Variants in OR1M1 observed in about 807,000 individuals in gnomAD.
The protein encoded by OR1M1 is olfactory receptor 1M1.
For synonymous variants in OR1M1, 157 were observed against 165.5 expected (o/e 0.95, Z 0.39); for missense variants, 397 against 401.8 (o/e 0.99, Z 0.10).
intron 1 of OR1M1, among the ~76,000 whole-genome samples, chr19:9,087,806 C>A (rs2050272393): frequency 6.6e-6 from 1 of 152,148 alleles, no homozygotes; most frequent in African/African-American, 2.4e-5. Flanking sequence ...GCTCTTCTTA[C>A]CAAACTAGCT....
chr19:9,090,547 G>A (rs969244257), intron 1 of OR1M1, among the ~76,000 whole-genome samples: 1 of 152,080 alleles, frequency 6.6e-6, no homozygotes, highest in Non-Finnish European at 1.5e-5. Context: ...TGCAACCTCT[G>A]CCTCAGCCTC....
At position 9,093,384 on chromosome 19, in the gene OR1M1, T is replaced by C; in HGVS notation, c.140T>C (p.Leu47Pro). 1.2e-6 allele frequency: 2 copies of C among 1,614,014 alleles called. No individual in the cohort carries two copies. Among genetic ancestry groups the C allele is most frequent in the Non-Finnish European group, 1.7e-6 (2 of 1,180,014 alleles). ...GTCGTGGGGAACCTGCTCATCATCC[T>C]GGCCATCAGCATAGACTCCCACCTC... ...VMVVGNLLII[L>P]AISIDSHLHT... The change falls in exon 2 of 2, where the codon CTG becomes CCG. Residue 47 changes from leucine (L) to proline (P), a missense_variant. Leu to Pro is a moderately conservative substitution (Grantham distance 98). Transcript: ENST00000641627.
intron 1 of OR1M1, among the ~76,000 whole-genome samples, chr19:9,088,984 G>T (rs772604292): frequency 6.6e-6 from 1 of 151,996 alleles, no homozygotes; most frequent in Non-Finnish European, 1.5e-5. Flanking sequence ...AATGTATAGT[G>T]ATCAGATCTG....
intron 1 of OR1M1, among the ~76,000 whole-genome samples, chr19:9,090,650 A>T (rs1051369059): frequency 2.6e-5 from 4 of 151,618 alleles, no homozygotes; most frequent in Non-Finnish European, 5.9e-5. Flanking sequence ...GTCAGGCTAG[A>T]CTTGAACTCC....
intron 1 of OR1M1, among the ~76,000 whole-genome samples, chr19:9,090,604 T>G (rs1380269640): frequency 6.6e-6 from 1 of 151,966 alleles, no homozygotes; most frequent in Non-Finnish European, 1.5e-5. Context: ...CCGGCTAATT[T>G]TGTATTTTTA....
rs189829080 is a variant in OR1M1 at position 9,089,124 on chromosome 19, A to G, written c.-14+1967A>G. ...CTGTATTCATCCTACAGGGATATAG[A>G]ACACTAGAACTTATTCTTCCAATTT... On this transcript the variant is annotated intron_variant, in intron 1 of 1. Transcript: ENST00000641627. 2.0e-5 allele frequency among the ~76,000 whole-genome samples: 3 copies of G among 152,280 alleles called. No homozygotes were observed. The East Asian group carries it at 5.8e-4, about 29-fold the overall frequency.
chr19:9,089,162 G>C (rs1346431190), intron 1 of OR1M1, among the ~76,000 whole-genome samples: 1 of 152,110 alleles, frequency 6.6e-6, no homozygotes, highest in Non-Finnish European at 1.5e-5. Context: ...CTGTAGTTCT[G>C]TATGCTGTAA....
chr19:9,092,639 C>T (rs759320040), intron 1 of OR1M1, among the ~76,000 whole-genome samples: 6 of 151,890 alleles, frequency 4.0e-5, no homozygotes, highest in East Asian at 3.9e-4. Flanking sequence ...TGGTGGCTCA[C>T]GCCTGTAATC....
intron 1 of OR1M1, among the ~76,000 whole-genome samples, chr19:9,089,873 C>T (rs2050283858): frequency 6.6e-6 from 1 of 152,068 alleles, no homozygotes; most frequent in African/African-American, 2.4e-5. Context: ...AGTTCATCTC[C>T]CTCACTAAAC....
Position 9,093,939 on chromosome 19 carries a change from G to A in OR1M1, c.695G>A (p.Gly232Asp), listed in dbSNP as rs753882363. 3.7e-6 allele frequency: 6 copies of A among 1,614,102 alleles called. No homozygotes were observed. In the Admixed American group the frequency reaches 8.3e-5, roughly 22 times the overall value. The part of the protein sequence containing the change: ...LVAIMKVPSA[G>D]GRKKAFSTCS... ...GCCATCATGAAGGTCCCCTCTGCAG[G>A]CGGCAGGAAGAAAGCCTTCTCCACC... Residue 232 changes from glycine (G) to aspartate (D), a missense_variant, in exon 2 of 2, where the codon GGC becomes GAC. Coordinates refer to ENST00000641627, the MANE Select transcript of OR1M1 (RefSeq NM_001004456.2).
Position 9,093,219 on chromosome 19 carries a change from T to C in OR1M1, c.-13-13T>C. 1 of 1,522,154 alleles carries C rather than the reference T, an allele frequency of 6.6e-7. No homozygotes were observed. Among genetic ancestry groups the C allele is most frequent in the Non-Finnish European group, 9.0e-7 (1 of 1,116,002 alleles). 94.3% of individuals were successfully genotyped at this position (1,522,154 alleles called of 1,614,324 possible). ...CCTGTCATTCCTATAACCTCCCCTTTCCATACTTCCAGAGGAATCACACCC... is the reference window on the plus strand; with the variant it reads ...CCTGTCATTCCTATAACCTCCCCTTCCCATACTTCCAGAGGAATCACACCC... On this transcript the variant is annotated splice_polypyrimidine_tract_variant and intron_variant, in intron 1 of 1. Coordinates refer to ENST00000641627, the MANE Select transcript of OR1M1 (RefSeq NM_001004456.2).
At position 9,093,882 on chromosome 19, in the gene OR1M1, G is replaced by A; in HGVS notation, c.638G>A (p.Cys213Tyr). 3.1e-6 allele frequency: 5 copies of A among 1,614,048 alleles called. No homozygotes were observed. Among genetic ancestry groups the A allele is most frequent in the Non-Finnish European group, 4.2e-6 (5 of 1,180,030 alleles). ...AGMVIATPFV[C>Y]ILASYARILV... ...ATGGTGATAGCCACGCCCTTTGTCT[G>A]CATCCTGGCCTCCTATGCTCGCATC... The change falls in exon 2 of 2, where the codon TGC becomes TAC. Residue 213 changes from cysteine (C) to tyrosine (Y), a missense_variant. Transcript: ENST00000641627.
At chr19:9,089,334 T>C (rs1196030296) in intron 1 of OR1M1, among the ~76,000 whole-genome samples, 3 of 152,190 alleles carry the variant, frequency 2.0e-5, no homozygotes, top group Non-Finnish European at 4.4e-5. Flanking sequence ...ATTTATAATA[T>C]GCTCCAATTC....
At chr19:9,090,434 G>A (rs2145903354) in intron 1 of OR1M1, among the ~76,000 whole-genome samples, 1 of 152,334 alleles carries the variant, frequency 6.6e-6, no homozygotes, top group South Asian at 2.1e-4. Flanking sequence ...GAACTGTAAT[G>A]CAGGAAGATT....
At chr19:9,087,523 C>T (rs2050270963) in intron 1 of OR1M1, among the ~76,000 whole-genome samples, 1 of 152,110 alleles carries the variant, frequency 6.6e-6, no homozygotes, top group Admixed American at 6.6e-5. Flanking sequence ...ACGATCTTGG[C>T]TCACTGCAAC....
chr19:9,092,883 A>G (rs2050300842), intron 1 of OR1M1, among the ~76,000 whole-genome samples: 1 of 151,352 alleles, frequency 6.6e-6, no homozygotes, highest in African/African-American at 2.4e-5. Flanking sequence ...CCTGGGTGAC[A>G]AAGCAAGACT....
rs868104586 is a variant in OR1M1, at chr19:9,093,304, G to A, written c.60G>A (p.Lys20=). The part of the protein sequence containing the change: ...SQFILLGLSE[K]PEQETLLFSL... ...TCATCCTCCTGGGACTCTCAGAAAAGCCAGAGCAGGAGACGCTTCTCTTTT... is the reference window on the plus strand; with the variant it reads ...TCATCCTCCTGGGACTCTCAGAAAAACCAGAGCAGGAGACGCTTCTCTTTT... The change falls in exon 2 of 2, where the codon AAG becomes AAA. Residue 20 remains lysine (K), a synonymous_variant. Coordinates refer to ENST00000641627, the MANE Select transcript of OR1M1 (RefSeq NM_001004456.2). 14 of 1,613,650 alleles carry A rather than the reference G, an allele frequency of 8.7e-6. No individual in the cohort carries two copies. The highest frequency in any genetic ancestry group is 1.2e-5 in the Non-Finnish European group (14 of 1,179,964).
intron 1 of OR1M1, among the ~76,000 whole-genome samples, chr19:9,089,773 G>A (rs370743160): frequency 1.3e-4 from 20 of 152,022 alleles, no homozygotes; most frequent in Admixed American, 2.6e-4. Context: ...AACAGTTTTC[G>A]GAGTGCTCTT....
At chr19:9,092,385 G>C (rs1389708385) in intron 1 of OR1M1, among the ~76,000 whole-genome samples, 2 of 151,974 alleles carry the variant, frequency 1.3e-5, no homozygotes, top group African/African-American at 4.8e-5. Context: ...CTCAAGCTCA[G>C]GAATTCAAGA....
Sources: allele counts gnomAD v4.1 joint callset (sites outside exome capture counted in the v4.1 genomes callset), GRCh38; gene constraint gnomAD v4.1.1; transcripts MANE v1.5; gene names NCBI Gene and HGNC (gene_info 2026-07-23, HGNC 2026-07-21).